Variants in VAT1L observed in about 807,000 individuals in gnomAD.
VAT1L encodes putative NADPH-dependent quinone oxidoreductase VAT1L.
In VAT1L, 34 loss-of-function variants were observed where a neutral mutation model predicts 44.1. The observed-to-expected ratio is 0.77, with a 90% CI of 0.59 to 1.03. The LOEUF (loss-of-function observed/expected upper bound fraction) is 1.03, where lower values mean the gene tolerates loss of function less well. VAT1L is among the 50% of genes least tolerant of loss of function. VAT1L has a pLI of 0.00. For missense variants in VAT1L, 615 were observed against 538.8 expected (o/e 1.14, Z -1.40); for synonymous variants, 253 against 202.2 (o/e 1.25, Z -2.13).
chr16:77,896,316 C>A (rs867555289), intron 7 of VAT1L, among the ~76,000 whole-genome samples: 1 of 152,180 alleles, frequency 6.6e-6, no homozygotes, highest in Admixed American at 6.5e-5. Flanking sequence ...CTCCCTCTTG[C>A]CATTATCCCA....
chr16:77,971,740 G>C, intron 7 of VAT1L, 110 bp from the exon 8 acceptor site: 1 of 1,168,624 alleles, frequency 8.6e-7, no homozygotes, highest in Non-Finnish European at 1.2e-6. Flanking sequence ...CTAAACTTGA[G>C]CCGCAGCGCC....
chr16:77,904,184 CTTTT>C (rs59219677), intron 7 of VAT1L, among the ~76,000 whole-genome samples: 2 of 135,398 alleles, frequency 1.5e-5, no homozygotes, highest in Non-Finnish European at 1.6e-5. Context: ...TACTGATTTG[CTTTT>C]TTTTTTTTTT....
chr16:77,938,734 A>C (rs1439873964), intron 7 of VAT1L, among the ~76,000 whole-genome samples: 3 of 152,228 alleles, frequency 2.0e-5, no homozygotes, highest in Non-Finnish European at 4.4e-5. Flanking sequence ...TGAGCCAATT[A>C]AACCTCTTTT....
chr16:77,846,474 A>G (rs538227715), intron 3 of VAT1L, among the ~76,000 whole-genome samples: 1 of 152,280 alleles, frequency 6.6e-6, no homozygotes, highest in South Asian at 2.1e-4. Context: ...ACTACTGGCA[A>G]TATCTTCTAA....
intron 1 of VAT1L, 68 bp downstream of exon 1, chr16:77,788,983 A>G: frequency 7.0e-7 from 1 of 1,422,750 alleles, no homozygotes; most frequent in Non-Finnish European, 9.2e-7. Context: ...GGGGTGGGAA[A>G]GCTGCGGCTG....
intron 7 of VAT1L, among the ~76,000 whole-genome samples, chr16:77,931,841 G>T (rs200664603): frequency 6.6e-6 from 1 of 152,126 alleles, no homozygotes; most frequent in Non-Finnish European, 1.5e-5. Context: ...CAAAGTGTTA[G>T]GGGAAAATCA....
chr16:77,794,899 G>A (rs1332198297), intron 1 of VAT1L, among the ~76,000 whole-genome samples: 1 of 152,150 alleles, frequency 6.6e-6, no homozygotes, highest in Non-Finnish European at 1.5e-5. Flanking sequence ...CATCAACTGA[G>A]TCCTTGCTGA....
Position 77,917,589 on chromosome 16 carries a change from C to A in VAT1L, c.1077+32787C>A, listed in dbSNP as rs191258809. On this transcript the variant is annotated intron_variant, in intron 7 of 8. Transcript: ENST00000302536. The stretch of plus-strand genomic sequence containing the variant: ...TCTTTATGTTTTGATTTGTTTGTAG[C>A]TGCCATTAATAGCCAGTTTACAGGG... Among the ~76,000 whole-genome samples, 263 of 152,222 alleles carry A rather than the reference C, an allele frequency of 1.7e-3. 1 individual carries two copies. Among genetic ancestry groups the A allele is most frequent in the African/African-American group, 6.1e-3 (252 of 41,554 alleles).
At chr16:77,867,056 C>T (rs1203025353) in intron 4 of VAT1L, among the ~76,000 whole-genome samples, 2 of 152,130 alleles carry the variant, frequency 1.3e-5, no homozygotes, top group African/African-American at 4.8e-5. Flanking sequence ...CATCCTGCTA[C>T]GAGTTCAATT....
chr16:77,939,631 C>T (rs1420141754), intron 7 of VAT1L, among the ~76,000 whole-genome samples: 1 of 152,148 alleles, frequency 6.6e-6, no homozygotes, highest in East Asian at 1.9e-4. Flanking sequence ...ATCTCAAACC[C>T]TCTTGCTACC....
At chr16:77,937,047 GCTAA>G (rs2017808339) in intron 7 of VAT1L, among the ~76,000 whole-genome samples, 1 of 152,154 alleles carries the variant, frequency 6.6e-6, no homozygotes. Context: ...ACCACGCCCG[GCTAA>G]CTTTTTATTT....
chr16:77,883,718 A>G (rs1222236792), intron 6 of VAT1L, among the ~76,000 whole-genome samples: 1 of 152,100 alleles, frequency 6.6e-6, no homozygotes, highest in Non-Finnish European at 1.5e-5. Flanking sequence ...CAGTCCCAAC[A>G]ATTTGGCCTC....
At chr16:77,866,099 T>TAAG (rs1567492108) in intron 4 of VAT1L, among the ~76,000 whole-genome samples, 1 of 152,178 alleles carries the variant, frequency 6.6e-6, no homozygotes, top group African/African-American at 2.4e-5. Context: ...AAGTTACAGA[T>TAAG]ACGTTTACAC....
intron 2 of VAT1L, among the ~76,000 whole-genome samples, chr16:77,821,844 G>A (rs546141703): frequency 1.3e-5 from 2 of 152,274 alleles, no homozygotes; most frequent in South Asian, 2.1e-4. Context: ...AAGGTTGGTC[G>A]TCAGGGAAAG....
chr16:77,810,108 C>A (rs777711189), intron 1 of VAT1L, among the ~76,000 whole-genome samples: 4 of 152,150 alleles, frequency 2.6e-5, no homozygotes, highest in African/African-American at 7.2e-5. Context: ...GGACTAAGAT[C>A]AAAAATTCAA....
At chr16:77,889,902 C>A (rs772320031) in intron 7 of VAT1L, among the ~76,000 whole-genome samples, 1 of 152,076 alleles carries the variant, frequency 6.6e-6, no homozygotes, top group East Asian at 1.9e-4. Context: ...GCCCGGCCAA[C>A]AGGGTGAAGC....
chr16:77,954,515 C>T (rs939637432), intron 7 of VAT1L, among the ~76,000 whole-genome samples: 3 of 152,150 alleles, frequency 2.0e-5, no homozygotes, highest in Admixed American at 2.0e-4. Context: ...ATCCCAGCTA[C>T]TCAAGAGGCT....
At chr16:77,830,220 A>G (rs2016564542) in intron 3 of VAT1L, among the ~76,000 whole-genome samples, 1 of 152,164 alleles carries the variant, frequency 6.6e-6, no homozygotes, top group African/African-American at 2.4e-5. Context: ...TCAAAGTAGC[A>G]AAATTTGAAG....
At chr16:77,899,663 A>C (rs2017360314) in intron 7 of VAT1L, among the ~76,000 whole-genome samples, 2 of 152,228 alleles carry the variant, frequency 1.3e-5, no homozygotes, top group Non-Finnish European at 2.9e-5. Flanking sequence ...AGTTTGCTCA[A>C]CAGACACCAA....
Sources: gnomAD v4.1 joint callset for allele counts (sites outside exome capture counted in the v4.1 genomes callset) on GRCh38, gnomAD v4.1.1 for gene constraint, MANE v1.5 for transcripts, NCBI Gene and HGNC (gene_info 2026-07-23, HGNC 2026-07-21) for gene names.